FNDC3B: variants seen among roughly 807,000 people sequenced by gnomAD.
FNDC3B encodes fibronectin type III domain containing 3B.
A neutral mutation model predicts 151.5 loss-of-function variants in FNDC3B; 12 were observed. That is an observed-to-expected ratio of 0.08 (90% CI 0.05 to 0.13). FNDC3B has a LOEUF of 0.13. Ranked by LOEUF, FNDC3B falls within the 10% of genes least tolerant of loss-of-function variation. The pLI is 1.00. For synonymous variants in FNDC3B, 528 were observed against 549.0 expected, an observed-to-expected ratio of 0.96 and a Z score of 0.54; for missense variants, 1,214 against 1,505.3, an observed-to-expected ratio of 0.81 and a Z score of 3.20.
intron 25 of FNDC3B, among the ~76,000 whole-genome samples, chr3:172,382,646 A>G (rs1735518766): frequency 6.6e-6 from 1 of 152,142 alleles, no homozygotes; most frequent in South Asian, 2.1e-4. Flanking sequence ...ATTTTTGTAT[A>G]AGGGGTAAGG....
rs901478355 is a variant in FNDC3B at position 172,340,845 on chromosome 3, C to A, written c.1853-268C>A. ...CTCCCTCCATGCCAGCGGCACGTTT[C>A]ATTATGGTTTCCCACATCCAAACCT... On this transcript the variant is annotated intron_variant, in intron 16 of 25. Coordinates refer to ENST00000415807, the MANE Select transcript of FNDC3B (RefSeq NM_022763.4). 2.6e-5 allele frequency among the ~76,000 whole-genome samples: 4 copies of A among 152,172 alleles called. No individual in the cohort carries two copies. The South Asian group carries it at 8.3e-4, about 31-fold the overall frequency.
intron 1 of FNDC3B, among the ~76,000 whole-genome samples, chr3:172,056,135 T>G (rs2108464970): frequency 6.6e-6 from 1 of 152,282 alleles, no homozygotes. Flanking sequence ...TAGTTTCCAC[T>G]GAGTCATCGG....
At chr3:172,214,539 A>ATT (rs1188130560) in intron 3 of FNDC3B, among the ~76,000 whole-genome samples, 2 of 28,892 alleles carry the variant, frequency 6.9e-5, no homozygotes, top group Non-Finnish European at 1.6e-4. Context: ...ATAAGCTATG[A>ATT]CTCTGTTTTA....
intron 1 of FNDC3B, among the ~76,000 whole-genome samples, chr3:172,080,338 C>T (rs1393823354): frequency 1.3e-5 from 2 of 152,042 alleles, no homozygotes; most frequent in African/African-American, 4.8e-5. Context: ...TGGCATGATA[C>T]TAGCTCACTG....
chr3:172,356,856 C>T (rs1734120570), intron 22 of FNDC3B, among the ~76,000 whole-genome samples: 1 of 152,140 alleles, frequency 6.6e-6, no homozygotes. Flanking sequence ...CAGGCCCCTC[C>T]TACCCTAGCC....
intron 22 of FNDC3B, among the ~76,000 whole-genome samples, chr3:172,356,519 T>C (rs1414046217): frequency 6.6e-6 from 1 of 152,166 alleles, no homozygotes; most frequent in Non-Finnish European, 1.5e-5. Flanking sequence ...GTAGAAACCT[T>C]ATCCTTCAAG....
intron 1 of FNDC3B, among the ~76,000 whole-genome samples, chr3:172,093,901 C>A (rs1559962763): frequency 6.6e-6 from 1 of 152,346 alleles, no homozygotes; most frequent in East Asian, 1.9e-4. Flanking sequence ...GATTTTTAAA[C>A]AGCTGTATTG....
intron 3 of FNDC3B, among the ~76,000 whole-genome samples, chr3:172,168,595 A>G (rs921750479): frequency 1.3e-5 from 2 of 152,230 alleles, no homozygotes; most frequent in Non-Finnish European, 2.9e-5. Context: ...ATTATATTTA[A>G]TAACTGATAA....
At chr3:172,126,956 C>T (rs1248862216) in intron 2 of FNDC3B, 11 of 454,148 alleles carry the variant, frequency 2.4e-5, no homozygotes, top group Admixed American at 1.4e-4. Flanking sequence ...CTCTTGTTGC[C>T]GGGACACACA....
rs1026376282 is a variant in FNDC3B, at chr3:172,399,761, CTTGGGGGG to C, written c.*2293_*2300del. On this transcript the variant is annotated 3_prime_UTR_variant, in exon 26 of 26. Transcript: ENST00000415807. ...AATTCAACTGAGTACAAAGCCCCCT[CTTGGGGGG>C]TTGGGGAAGTCTCTTTTTTGAAACA... is the stretch of plus-strand genomic sequence containing the variant. 9 of 152,608 alleles carry C rather than the reference CTTGGGGGG, an allele frequency of 5.9e-5. No homozygotes were observed. The highest frequency in any genetic ancestry group is 2.2e-4 in the African/African-American group (9 of 41,444). 9.5% of individuals were successfully genotyped at this position (152,608 alleles called of 1,614,324 possible). A position where few individuals can be genotyped will look rare whatever the true frequency, so the allele number is the denominator to read the frequency against.
At chr3:172,231,562 G>GTGGTGA (rs1022375039) in intron 4 of FNDC3B, among the ~76,000 whole-genome samples, 1 of 152,200 alleles carries the variant, frequency 6.6e-6, no homozygotes. Flanking sequence ...GTTATTGGTG[G>GTGGTGA]TGGTGATGGT....
chr3:172,072,420 TG>T (rs1169427310), intron 1 of FNDC3B, among the ~76,000 whole-genome samples: 1 of 151,766 alleles, frequency 6.6e-6, no homozygotes, highest in African/African-American at 2.4e-5. Flanking sequence ...TGAATGGTTG[TG>T]TCATGAAATA....
At chr3:172,187,863 G>A (rs943386371) in intron 3 of FNDC3B, among the ~76,000 whole-genome samples, 7 of 152,074 alleles carry the variant, frequency 4.6e-5, no homozygotes, top group African/African-American at 1.7e-4. Context: ...CAAGCAGTTT[G>A]CCCACCTTGG....
intron 2 of FNDC3B, among the ~76,000 whole-genome samples, chr3:172,128,379 C>T (rs753915206): frequency 1.3e-5 from 2 of 152,198 alleles, no homozygotes; most frequent in Admixed American, 6.5e-5. Flanking sequence ...CGCACCCCAT[C>T]GCTTCCCTTT....
intron 1 of FNDC3B, among the ~76,000 whole-genome samples, chr3:172,093,440 A>G (rs1471711403): frequency 6.6e-6 from 1 of 151,638 alleles, no homozygotes; most frequent in African/African-American, 2.4e-5. Context: ...TTGTATTTTT[A>G]GTAGAGAAGG....
At chr3:172,136,703 G>T in intron 3 of FNDC3B, among the ~76,000 whole-genome samples, 1 of 152,154 alleles carries the variant, frequency 6.6e-6, no homozygotes, top group Middle Eastern at 3.2e-3. Flanking sequence ...TGGCCAACAG[G>T]CGGGAGTGTT....
intron 3 of FNDC3B, among the ~76,000 whole-genome samples, chr3:172,181,098 T>C (rs998908388): frequency 3.4e-4 from 22 of 64,916 alleles, no homozygotes; most frequent in Non-Finnish European, 6.8e-4. Flanking sequence ...TCTAAGTAGA[T>C]ATATTCTAAG....
intron 3 of FNDC3B, among the ~76,000 whole-genome samples, chr3:172,176,894 A>T (rs1167080111): frequency 6.6e-6 from 1 of 152,288 alleles, no homozygotes; most frequent in South Asian, 2.1e-4. Context: ...ATACATCATC[A>T]TGGGCAAGTG....
intron 1 of FNDC3B, among the ~76,000 whole-genome samples, chr3:172,104,914 A>C (rs1719568083): frequency 6.6e-6 from 1 of 152,222 alleles, no homozygotes; most frequent in Non-Finnish European, 1.5e-5. Flanking sequence ...AAGGCTAGAA[A>C]TGACAACTAT....
Sources: allele counts gnomAD v4.1 joint callset (sites outside exome capture counted in the v4.1 genomes callset), GRCh38; gene constraint gnomAD v4.1.1; transcripts MANE v1.5; gene names NCBI Gene and HGNC (gene_info 2026-07-23, HGNC 2026-07-21).